GMDS: variants seen among roughly 807,000 people sequenced by gnomAD.
GMDS encodes GDP-mannose 4,6-dehydratase.
A neutral mutation model predicts 49.9 loss-of-function variants in GMDS; 20 were observed. The ratio of observed to expected loss-of-function variants is 0.40; its 90% CI spans 0.28 to 0.58. GMDS has a LOEUF of 0.58. Among genes scored for constraint, GMDS ranks in the 20% least tolerant of loss-of-function variants. GMDS has a pLI of 0.42. For synonymous variants in GMDS, 177 were observed against 178.6 expected (o/e 0.99, Z 0.07); for missense variants, 362 against 481.4 (o/e 0.75, Z 2.32).
rs151259909 is a variant in GMDS, at chr6:2,140,516, AC to A, written c.103-15786del. Among the ~76,000 whole-genome samples, 29 of 152,336 alleles carry A rather than the reference AC, an allele frequency of 1.9e-4. No individual in the cohort carries two copies. The East Asian group carries it at 4.4e-3, about 23-fold the overall frequency. ...AGCTTAGAACCTCTCAAAACCTGCA[AC>A]ATGCAAAGCGACCTTGTGAATCAGC... On this transcript the variant is annotated intron_variant, in intron 1 of 10. Transcript: ENST00000380815.
At chr6:1,827,152 T>TAC (rs1771157338) in intron 7 of GMDS, among the ~76,000 whole-genome samples, 1 of 139,296 alleles carries the variant, frequency 7.2e-6, no homozygotes. Flanking sequence ...TATATATATA[T>TAC]GCACACACAC....
intron 9 of GMDS, among the ~76,000 whole-genome samples, chr6:1,678,787 T>C (rs1029790970): frequency 3.3e-5 from 5 of 152,208 alleles, no homozygotes; most frequent in African/African-American, 1.2e-4. Flanking sequence ...TGCCAAAATA[T>C]ATTTTCAGGC....
chr6:1,974,663 A>C (rs761192570), intron 4 of GMDS, among the ~76,000 whole-genome samples: 1 of 152,170 alleles, frequency 6.6e-6, no homozygotes, highest in Non-Finnish European at 1.5e-5. Context: ...CTGGCATTCA[A>C]GAAGTCAGGA....
intron 7 of GMDS, among the ~76,000 whole-genome samples, chr6:1,858,970 G>GT (rs1192726801): frequency 6.6e-6 from 1 of 151,806 alleles, no homozygotes; most frequent in Non-Finnish European, 1.5e-5. Flanking sequence ...TGTTTTGGGG[G>GT]GGGCAGGCAC....
At chr6:1,709,190 T>A (rs903617717) in intron 9 of GMDS, among the ~76,000 whole-genome samples, 4 of 152,190 alleles carry the variant, frequency 2.6e-5, no homozygotes, top group African/African-American at 9.6e-5. Flanking sequence ...GGAGACAGTG[T>A]CTACAGAACC....
At chr6:2,217,570 A>G (rs1285874108) in intron 1 of GMDS, among the ~76,000 whole-genome samples, 1 of 152,212 alleles carries the variant, frequency 6.6e-6, no homozygotes, top group East Asian at 1.9e-4. Flanking sequence ...TGTTTTAAAT[A>G]GTAAACATCA....
chr6:1,715,039 C>G (rs1057163008), intron 9 of GMDS, among the ~76,000 whole-genome samples: 6 of 151,956 alleles, frequency 3.9e-5, no homozygotes, highest in African/African-American at 1.5e-4. Context: ...CGAACAGAAC[C>G]TATGAAAATA....
At chr6:2,205,976 CGGCTG>C (rs1219052307) in intron 1 of GMDS, among the ~76,000 whole-genome samples, 1 of 152,038 alleles carries the variant, frequency 6.6e-6, no homozygotes, top group African/African-American at 2.4e-5. Flanking sequence ...AAAGCACAGA[CGGCTG>C]GGTGCAGTGG....
At chr6:1,928,086 G>C (rs1467378921) in intron 7 of GMDS, among the ~76,000 whole-genome samples, 1 of 152,184 alleles carries the variant, frequency 6.6e-6, no homozygotes, top group Non-Finnish European at 1.5e-5. Context: ...CCTATATAGG[G>C]CCAGGTGCAG....
chr6:2,192,333 C>T (rs1779064580), intron 1 of GMDS, among the ~76,000 whole-genome samples: 1 of 152,198 alleles, frequency 6.6e-6, no homozygotes, highest in Non-Finnish European at 1.5e-5. Context: ...CTCAATAAAG[C>T]TCCTCTTTGC....
At chr6:1,894,557 G>T (rs1760054366) in intron 7 of GMDS, among the ~76,000 whole-genome samples, 1 of 152,152 alleles carries the variant, frequency 6.6e-6, no homozygotes, top group African/African-American at 2.4e-5. Context: ...CAAAGTGAGA[G>T]CACCCGTTTA....
chr6:2,067,257 G>T (rs1425963849), intron 4 of GMDS, among the ~76,000 whole-genome samples: 9 of 152,100 alleles, frequency 5.9e-5, no homozygotes, highest in Non-Finnish European at 1.2e-4. Context: ...TGGGACGCAT[G>T]CAAAGCAGTA....
chr6:1,765,511 T>C (rs1484280285), intron 7 of GMDS, among the ~76,000 whole-genome samples: 1 of 152,188 alleles, frequency 6.6e-6, no homozygotes, highest in African/African-American at 2.4e-5. Flanking sequence ...TCGCATTGTT[T>C]CAGTGAAGAT....
At chr6:2,123,436 C>A (rs116997771) in intron 2 of GMDS, among the ~76,000 whole-genome samples, 3 of 152,162 alleles carry the variant, frequency 2.0e-5, no homozygotes, top group African/African-American at 7.2e-5. Flanking sequence ...TAGGTTCACT[C>A]GATACACAAC....
chr6:1,739,284 G>A (rs1291258384), intron 8 of GMDS, among the ~76,000 whole-genome samples: 1 of 152,234 alleles, frequency 6.6e-6, no homozygotes, highest in Non-Finnish European at 1.5e-5. Context: ...GAACTGCACT[G>A]TGCCTCAGTT....
chr6:1,771,993 C>G (rs886499289), intron 7 of GMDS, among the ~76,000 whole-genome samples: 6 of 138,090 alleles, frequency 4.3e-5, no homozygotes, highest in African/African-American at 1.4e-4. Context: ...TGTGTAATTT[C>G]CAACAGCAAT....
chr6:1,688,524 A>T (rs1765062718), intron 9 of GMDS, among the ~76,000 whole-genome samples: 1 of 152,114 alleles, frequency 6.6e-6, no homozygotes, highest in Admixed American at 6.5e-5. Flanking sequence ...CCTCTCCGTG[A>T]TTCTCCTCTG....
At position 1,662,045 on chromosome 6, in the gene GMDS, G is replaced by A. The variant is rs571678725; in HGVS notation, c.988-37505C>T. Reference sequence around the variant, plus strand: ...ACAAATGGCGACTCGCCTTGGCTCCGAAGCTGCTGGTGGAGAGAGAGGAAC... The same window carrying A: ...ACAAATGGCGACTCGCCTTGGCTCCAAAGCTGCTGGTGGAGAGAGAGGAAC... On this transcript the variant is annotated intron_variant, in intron 9 of 10. Transcript: ENST00000380815. 2.2e-4 allele frequency among the ~76,000 whole-genome samples: 33 copies of A among 152,232 alleles called. No individual in the cohort carries two copies. In the South Asian group the frequency reaches 6.0e-3, roughly 28 times the overall value.
chr6:1,697,718 G>A (rs767055294), intron 9 of GMDS, among the ~76,000 whole-genome samples: 26 of 152,138 alleles, frequency 1.7e-4, no homozygotes, highest in Non-Finnish European at 3.7e-4. Flanking sequence ...TGAGCCTTCT[G>A]GGTGTTTCTG....
Sources: gnomAD v4.1 joint callset for allele counts (sites outside exome capture counted in the v4.1 genomes callset) on GRCh38, gnomAD v4.1.1 for gene constraint, MANE v1.5 for transcripts, NCBI Gene and HGNC (gene_info 2026-07-23, HGNC 2026-07-21) for gene names.